Variants in PXDNL observed in about 807,000 individuals in gnomAD.
The protein encoded by PXDNL is peroxidasin like.
In PXDNL, 145 loss-of-function variants were observed where a neutral mutation model predicts 150.8. That is an observed-to-expected ratio of 0.96 (90% CI 0.84 to 1.10). The LOEUF (loss-of-function observed/expected upper bound fraction) is 1.10, where lower values mean the gene tolerates loss of function less well. Among genes scored for constraint, PXDNL ranks in the 50% least tolerant of loss-of-function variants. The pLI is 0.00. For missense variants in PXDNL, 2,087 were observed against 1,873.9 expected, an observed-to-expected ratio of 1.11 and a Z score of -2.10; for synonymous variants, 757 against 725.7, an observed-to-expected ratio of 1.04 and a Z score of -0.69.
At chr8:51,640,769 G>A (rs1413098435) in intron 2 of PXDNL, among the ~76,000 whole-genome samples, 3 of 151,940 alleles carry the variant, frequency 2.0e-5, no homozygotes, top group Non-Finnish European at 4.4e-5. Context: ...TGTGACAATG[G>A]CCATACTGCC....
At chr8:51,794,259 G>T (rs185155859) in intron 1 of PXDNL, among the ~76,000 whole-genome samples, 543 of 152,226 alleles carry the variant, frequency 3.6e-3, no homozygotes, top group African/African-American at 0.012. Context: ...TCATTCAGGA[G>T]AACTTACCAA....
At chr8:51,592,519 C>T in intron 3 of PXDNL, 108 bp downstream of exon 3, 1 of 690,804 alleles carries the variant, frequency 1.4e-6, no homozygotes, top group South Asian at 1.8e-5. Context: ...GTTGAAACTG[C>T]TTTTCACGAA....
intron 21 of PXDNL, among the ~76,000 whole-genome samples, chr8:51,327,971 TGGTTA>T (rs540269995): frequency 1.3e-5 from 2 of 152,220 alleles, no homozygotes; most frequent in African/African-American, 2.4e-5. Flanking sequence ...AACACCCTGA[TGGTTA>T]GTTTTATGAG....
At chr8:51,397,803 G>A (rs139720721) in intron 17 of PXDNL, among the ~76,000 whole-genome samples, 48 of 151,890 alleles carry the variant, frequency 3.2e-4, no homozygotes, top group African/African-American at 1.1e-3. Flanking sequence ...TGTGCACAAC[G>A]TGCATGTTTG....
chr8:51,696,789 A>ACAGG (rs1816147532), intron 1 of PXDNL, among the ~76,000 whole-genome samples: 1 of 59,406 alleles, frequency 1.7e-5, no homozygotes, highest in Non-Finnish European at 3.5e-5. Context: ...ACACATACCC[A>ACAGG]CCCACACATA....
At chr8:51,405,503 G>A (rs1808412627) in intron 17 of PXDNL, among the ~76,000 whole-genome samples, 1 of 152,148 alleles carries the variant, frequency 6.6e-6, no homozygotes, top group South Asian at 2.1e-4. Context: ...GGACTGAAGT[G>A]ATTTAAAAAC....
At chr8:51,510,324 G>A (rs960837924) in intron 4 of PXDNL, among the ~76,000 whole-genome samples, 3 of 152,134 alleles carry the variant, frequency 2.0e-5, no homozygotes, top group Non-Finnish European at 2.9e-5. Flanking sequence ...AGAAGATCAC[G>A]CTAAGACTTC....
At chr8:51,364,065 T>C (rs1389346877) in intron 19 of PXDNL, among the ~76,000 whole-genome samples, 4 of 152,214 alleles carry the variant, frequency 2.6e-5, no homozygotes, top group Non-Finnish European at 5.9e-5. Context: ...TATTATGTCA[T>C]TGAAAGGACT....
chr8:51,449,718 C>G (rs907530047), intron 10 of PXDNL, among the ~76,000 whole-genome samples: 1 of 152,168 alleles, frequency 6.6e-6, no homozygotes, highest in Non-Finnish European at 1.5e-5. Context: ...CTGTCCGTGA[C>G]TCTTTGATTG....
At chr8:51,426,972 A>G (rs139794681) in intron 12 of PXDNL, among the ~76,000 whole-genome samples, 2 of 152,316 alleles carry the variant, frequency 1.3e-5, no homozygotes, top group African/African-American at 4.8e-5. Context: ...GGCAAAAGGA[A>G]TGCACTGAAA....
chr8:51,575,289 C>T (rs1185377336), intron 3 of PXDNL, among the ~76,000 whole-genome samples: 2 of 150,398 alleles, frequency 1.3e-5, no homozygotes, highest in African/African-American at 4.9e-5. Flanking sequence ...AAGTAAAATT[C>T]TAAAAAATGT....
At chr8:51,748,519 C>T (rs1470819345) in intron 1 of PXDNL, among the ~76,000 whole-genome samples, 4 of 152,154 alleles carry the variant, frequency 2.6e-5, no homozygotes, top group Admixed American at 2.6e-4. Flanking sequence ...ACAGGACACC[C>T]GGTCCCAGCT....
intron 17 of PXDNL, among the ~76,000 whole-genome samples, chr8:51,407,053 T>C (rs902001625): frequency 1.3e-5 from 2 of 152,244 alleles, no homozygotes; most frequent in African/African-American, 2.4e-5. Flanking sequence ...ATTTTATAGG[T>C]ATCCTGAGAT....
intron 21 of PXDNL, among the ~76,000 whole-genome samples, chr8:51,322,204 TC>T (rs1226810867): frequency 2.0e-5 from 3 of 152,210 alleles, no homozygotes; most frequent in Non-Finnish European, 1.5e-5. Flanking sequence ...TTACCCATTT[TC>T]TTGTATTCTG....
At chr8:51,486,753 TA>T (rs1810747746) in intron 5 of PXDNL, among the ~76,000 whole-genome samples, 83 of 21,798 alleles carry the variant, frequency 3.8e-3, no homozygotes, top group African/African-American at 0.017. Flanking sequence ...AAAAAGTTTA[TA>T]TATATATATA....
intron 3 of PXDNL, among the ~76,000 whole-genome samples, chr8:51,558,219 A>G (rs189682246): frequency 1.1e-3 from 171 of 152,228 alleles, no homozygotes; most frequent in Admixed American, 3.8e-3. Context: ...CAAGCCTTAT[A>G]GTAATGTCTG....
intron 1 of PXDNL, among the ~76,000 whole-genome samples, chr8:51,655,884 A>C (rs1200173660): frequency 6.6e-6 from 1 of 152,142 alleles, no homozygotes; most frequent in Non-Finnish European, 1.5e-5. Flanking sequence ...CAAAATAGCA[A>C]ATGAAAGAAA....
intron 1 of PXDNL, among the ~76,000 whole-genome samples, chr8:51,667,169 T>C (rs1815402928): frequency 1.3e-5 from 2 of 152,156 alleles, no homozygotes. Context: ...CGTAAAGCCT[T>C]GAATCTGATA....
Position 51,319,867 on chromosome 8 carries a change from G to C in PXDNL, c.*24C>G. ...CTCTTCCTGAGAAATTTCCCATTTGGGGCTCAACAGCACAAAACTTTTATT... is the reference window on the plus strand; with the variant it reads ...CTCTTCCTGAGAAATTTCCCATTTGCGGCTCAACAGCACAAAACTTTTATT... On this transcript the variant is annotated 3_prime_UTR_variant, in exon 23 of 23. Coordinates refer to ENST00000356297, the MANE Select transcript of PXDNL (RefSeq NM_144651.5). 2.7e-6 allele frequency: 4 copies of C among 1,464,206 alleles called. No homozygotes were observed. The highest frequency in any genetic ancestry group is 3.6e-6 in the Non-Finnish European group (4 of 1,103,534). The allele number at this position is 1,464,206 out of a possible 1,614,324, so 90.7% of individuals were successfully genotyped here.
Sources: allele counts gnomAD v4.1 joint callset (sites outside exome capture counted in the v4.1 genomes callset), GRCh38; gene constraint gnomAD v4.1.1; transcripts MANE v1.5; gene names NCBI Gene and HGNC (gene_info 2026-07-23, HGNC 2026-07-21).